Variants in ZNF85 observed in about 807,000 individuals in gnomAD.
ZNF85 encodes the protein zinc finger protein 85 (HPF4, HTF1).
A neutral mutation model predicts 53.9 loss-of-function variants in ZNF85; 50 were observed. The ratio of observed to expected loss-of-function variants is 0.93; its 90% confidence interval spans 0.74 to 1.17. The LOEUF (loss-of-function observed/expected upper bound fraction) is 1.17, where lower values mean the gene tolerates loss of function less well. ZNF85 is among the 50% of genes most tolerant of loss of function. ZNF85 has a pLI of 0.00. For synonymous variants in ZNF85, 225 were observed against 226.1 expected, an observed-to-expected ratio of 1.00 and a Z score of 0.04; for missense variants, 747 against 688.5, an observed-to-expected ratio of 1.08 and a Z score of -0.95.
intron 3 of ZNF85, among the ~76,000 whole-genome samples, chr19:20,944,503 T>C (rs948551999): frequency 6.8e-6 from 1 of 146,960 alleles, no homozygotes; most frequent in East Asian, 1.9e-4. Context: ...TATATACTTA[T>C]ATATTATATT....
chr19:20,934,905 G>C (rs2144626425), intron 2 of ZNF85, 44 bp from the exon 3 acceptor site: 6 of 1,399,526 alleles, frequency 4.3e-6, no homozygotes, highest in Non-Finnish European at 5.9e-6. Flanking sequence ...TTGGTCATTA[G>C]AGAATATGAG....
In ZNF85 at chr19:20,929,427, TCCC is replaced by T. The variant is rs370463842; in HGVS notation, c.4-4596_4-4594del. Among the ~76,000 whole-genome samples, 640 of 152,206 alleles carry T rather than the reference TCCC, an allele frequency of 4.2e-3. 4 individuals carry two copies. The highest frequency in any genetic ancestry group is 0.014 in the African/African-American group (600 of 41,534). On this transcript the variant is annotated intron_variant, in intron 1 of 3. Coordinates refer to ENST00000328178, the MANE Select transcript of ZNF85 (RefSeq NM_003429.5). ...TGGTCTCAAACTCCTGACCTTGTGATCCCACCTCAGCCTCCAAAAGTGCTGGGA... is the reference window on the plus strand; with the variant it reads ...TGGTCTCAAACTCCTGACCTTGTGATACCTCAGCCTCCAAAAGTGCTGGGA...
In ZNF85 at chr19:20,948,752, T is replaced by A. The variant is rs759865021; in HGVS notation, c.238T>A (p.Ser80Thr). ...IMVAKPTVMC[S>T]HFAQDLWPEQ... is the part of the protein sequence containing the mutation. ...ATTTTTGTTTCTTTCAGTTATGTGT[T>A]CTCATTTTGCCCAAGACCTTTGGCC... Residue 80 changes from serine (S) to threonine (T), a missense_variant, in exon 4 of 4, where the codon TCT (serine) becomes ACT (threonine). Coordinates refer to ENST00000328178, the MANE Select transcript of ZNF85 (RefSeq NM_003429.5). 2 of 1,553,068 alleles carry A rather than the reference T, an allele frequency of 1.3e-6. No individual in the cohort carries two copies. Among genetic ancestry groups the A allele is most frequent in the Non-Finnish European group, 1.7e-6 (2 of 1,153,820 alleles).
At chr19:20,932,534 A>G (rs1328040607) in intron 1 of ZNF85, among the ~76,000 whole-genome samples, 1 of 152,190 alleles carries the variant, frequency 6.6e-6, no homozygotes, top group Non-Finnish European at 1.5e-5. Flanking sequence ...GTGGATACTC[A>G]AGATTTCTAT....
intron 1 of ZNF85, among the ~76,000 whole-genome samples, chr19:20,930,900 G>A (rs1321221687): frequency 6.6e-6 from 1 of 152,142 alleles, no homozygotes; most frequent in African/African-American, 2.4e-5. Context: ...AGCCTCCCTA[G>A]TAGCTGGGAT....
chr19:20,930,713 G>A (rs923479938), intron 1 of ZNF85, among the ~76,000 whole-genome samples: 1 of 152,112 alleles, frequency 6.6e-6, no homozygotes, highest in Non-Finnish European at 1.5e-5. Flanking sequence ...GCTGCCTTCT[G>A]TTTCCTCTGT....
intron 3 of ZNF85, 123 bp downstream of exon 3, chr19:20,935,170 C>A: frequency 5.1e-6 from 3 of 587,164 alleles, no homozygotes; most frequent in Non-Finnish European, 8.6e-6. Flanking sequence ...TTCTCAGAAG[C>A]CTGAGGTTTC....
At chr19:20,924,844 A>G (rs1307202131) in intron 1 of ZNF85, among the ~76,000 whole-genome samples, 5 of 152,170 alleles carry the variant, frequency 3.3e-5, no homozygotes, top group Non-Finnish European at 7.4e-5. Flanking sequence ...TATCTTCCCT[A>G]GGCACAGAGT....
In ZNF85 at chr19:20,947,744, A is replaced by G. The variant is rs143497403; in HGVS notation, c.230-1000A>G. ...GTTTGTTGAGCTTCTTCATTTTTAC[A>G]TCATTTTTTCTTATATTAAAATTTT... On this transcript the variant is annotated intron_variant, in intron 3 of 3. Coordinates refer to ENST00000328178, the MANE Select transcript of ZNF85 (RefSeq NM_003429.5). Among the ~76,000 whole-genome samples, 620 of 151,092 alleles carry G rather than the reference A, an allele frequency of 4.1e-3. 1 individual carries two copies. Among genetic ancestry groups the G allele is most frequent in the African/African-American group, 0.014 (577 of 41,330 alleles).
chr19:20,928,417 C>T (rs1289458947), intron 1 of ZNF85: 1 of 152,278 alleles, frequency 6.6e-6, no homozygotes, highest in Non-Finnish European at 1.5e-5. Flanking sequence ...CAGGCTGTCA[C>T]ACTGCCCATT....
At chr19:20,923,804 G>A (rs1258718487) in intron 1 of ZNF85, among the ~76,000 whole-genome samples, 1 of 152,136 alleles carries the variant, frequency 6.6e-6, no homozygotes, top group Non-Finnish European at 1.5e-5. Flanking sequence ...ATGGGGGGAC[G>A]GGCGTGGTGG....
rs1973370544 is a variant in ZNF85, at chr19:20,944,285, TC to T, written c.230-4457del. ...TATGTTGCTCAGGCTGATCTTCAAC[TC>T]CTAGTCTCAAGTAAGCTGACTGCCT... is the stretch of plus-strand genomic sequence containing the variant. On this transcript the variant is annotated intron_variant, in intron 3 of 3. Transcript: ENST00000328178. 1.3e-5 allele frequency: 2 copies of T among 151,616 alleles called. 1 individual carries two copies. Among genetic ancestry groups the T allele is most frequent in the South Asian group, 4.1e-4 (2 of 4,826 alleles). 9.4% of individuals were successfully genotyped at this position (151,616 alleles called of 1,614,324 possible). A position where few individuals can be genotyped will look rare whatever the true frequency, so the allele number is the denominator to read the frequency against.
chr19:20,940,277 A>G (rs765484393), intron 3 of ZNF85, among the ~76,000 whole-genome samples: 2 of 152,174 alleles, frequency 1.3e-5, no homozygotes, highest in South Asian at 4.1e-4. Context: ...TCACATCTGT[A>G]ATCCCAGAGA....
Position 20,949,058 on chromosome 19 carries a change from T to C in ZNF85, c.544T>C (p.Ser182Pro). The C allele has an allele frequency of 6.2e-7, 1 of 1,613,830 alleles. No individual in the cohort carries two copies. The highest frequency in any genetic ancestry group is 8.5e-7 in the Non-Finnish European group (1 of 1,179,818). ...KPFKCTKCGKSFGMISCLTEH... is the reference protein window; with the variant it reads ...KPFKCTKCGKPFGMISCLTEH... The stretch of plus-strand genomic sequence containing the variant: ...TTTCAAATGTACAAAATGTGGCAAA[T>C]CATTTGGCATGATTTCATGCCTAAC... The change falls in exon 4 of 4, where the codon TCA (serine) becomes CCA (proline). Residue 182 changes from serine to proline, a missense_variant. By Grantham distance (74) the Ser-to-Pro change is moderately conservative. Coordinates refer to ENST00000328178, the MANE Select transcript of ZNF85 (RefSeq NM_003429.5).
chr19:20,948,936 C>G lies in ZNF85; in HGVS notation c.422C>G (p.Thr141Ser). 6.2e-7 allele frequency: 1 copy of G among 1,613,640 alleles called. No individual in the cohort carries two copies. Among genetic ancestry groups the G allele is most frequent in the Non-Finnish European group, 8.5e-7 (1 of 1,179,746 alleles). The change falls in exon 4 of 4, where the codon ACC (threonine) becomes AGC (serine). Residue 141 changes from threonine (T) to serine (S), a missense_variant. Physicochemically the swap from Thr to Ser is moderately conservative, Grantham distance 58. Transcript: ENST00000328178. ...CNGLNQCLTATQSKIFQCDKY... is the reference protein window; with the variant it reads ...CNGLNQCLTASQSKIFQCDKY... ...GGACTTAACCAATGTCTCACAGCTA[C>G]CCAGAGCAAAATATTTCAATGTGAT... is the stretch of plus-strand genomic sequence containing the variant.
rs767803168 is a variant in ZNF85 at position 20,949,592 on chromosome 19, CAT to C, written c.1079_1080del (p.His360ArgfsTer13). ...TAACCAGTCTGCACACCTTACCACA[CAT>C]GAGGTAATTCATACTGGAGAGAAAC... is the stretch of plus-strand genomic sequence containing the variant. The part of the protein sequence containing the change: ...AFNQSAHLTT[H>X]EVIHTGEKPY... On this transcript the variant is annotated frameshift_variant, in exon 4 of 4. Coordinates refer to ENST00000328178, the MANE Select transcript of ZNF85 (RefSeq NM_003429.5). LOFTEE classifies it high-confidence loss of function. 1.9e-5 allele frequency: 31 copies of C among 1,597,792 alleles called. No individual in the cohort carries two copies. In the African/African-American group the frequency reaches 3.5e-4, roughly 18 times the overall value.
At chr19:20,944,607 A>G (rs1973378008) in intron 3 of ZNF85, among the ~76,000 whole-genome samples, 1 of 150,542 alleles carries the variant, frequency 6.6e-6, no homozygotes, top group African/African-American at 2.4e-5. Flanking sequence ...TTAAATCTTC[A>G]AGTAACCTCT....
At position 20,950,374 on chromosome 19, in the gene ZNF85, A is replaced by T. The variant is rs1195476866; in HGVS notation, c.*72A>T. On this transcript the variant is annotated 3_prime_UTR_variant, in exon 4 of 4. Transcript: ENST00000328178. ...AGAAAATTTATACTGGAGAGAAACT[A>T]CTAACCTGAAAGATGTGACAATAAT... 6.6e-6 allele frequency: 7 copies of T among 1,060,396 alleles called. No homozygotes were observed. The highest frequency in any genetic ancestry group is 9.3e-6 in the Non-Finnish European group (7 of 754,138). 65.7% of individuals were successfully genotyped at this position (1,060,396 alleles called of 1,614,324 possible).
chr19:20,934,046 T>C lies in ZNF85; in HGVS notation c.26T>C (p.Val9Ala), dbSNP rs758690309. The C allele has an allele frequency of 1.9e-6, 3 of 1,612,092 alleles. No individual in the cohort carries two copies. Among genetic ancestry groups the C allele is most frequent in the South Asian group, 2.2e-5 (2 of 91,038 alleles). Reference sequence around the variant, plus strand: ...CAGGGACCATTGACATTTAGGGATGTGGCCATAGAATTCTCTCTGAAGGAG... The same window carrying C: ...CAGGGACCATTGACATTTAGGGATGCGGCCATAGAATTCTCTCTGAAGGAG... MGPLTFRD[V>A]AIEFSLKEWQ... The change falls in exon 2 of 4, where the codon GTG becomes GCG. Residue 9 changes from valine (V) to alanine (A), a missense_variant. By Grantham distance (64) the Val-to-Ala change is moderately conservative. Transcript: ENST00000328178.
Sources: gnomAD v4.1 joint callset for allele counts (sites outside exome capture counted in the v4.1 genomes callset) on GRCh38, gnomAD v4.1.1 for gene constraint, MANE v1.5 for transcripts, NCBI Gene and HGNC (gene_info 2026-07-23, HGNC 2026-07-21) for gene names.